MUCL1: variants seen among roughly 807,000 people sequenced by gnomAD.
MUCL1 encodes the protein mucin like 1.
MUCL1 carries 11 observed loss-of-function variants against 9.2 expected under a neutral mutation model. That is an observed-to-expected ratio of 1.19 (90% CI 0.75 to 1.97). MUCL1 has a LOEUF of 1.97. Ranked by LOEUF, MUCL1 falls within the 30% of genes most tolerant of loss-of-function variation. MUCL1 has a pLI of 0.00. For synonymous variants in MUCL1, 48 were observed against 40.5 expected (o/e 1.19, Z -0.71); for missense variants, 144 against 110.9 (o/e 1.30, Z -1.34).
upstream of MUCL1, among the ~76,000 whole-genome samples, chr12:54,851,234 C>T (rs1249246731): frequency 1.3e-5 from 2 of 152,108 alleles, no homozygotes; most frequent in Non-Finnish European, 2.9e-5. Context: ...AGTCCTTGCC[C>T]ATGCCTATGT....
Position 54,849,330 on chromosome 12 carries a change from A to G in MUCL1, c.44-5786A>G, listed in dbSNP as rs1012784569. 1.4e-4 allele frequency among the ~76,000 whole-genome samples: 22 copies of G among 152,290 alleles called. No individual in the cohort carries two copies. In the Middle Eastern group the frequency reaches 0.014, roughly 95 times the overall value. Reference sequence around the variant, plus strand: ...AAGGAGTAGGAATAAATAACTACATATAAGTTCATATATGCATAAAATTTT... The same window carrying G: ...AAGGAGTAGGAATAAATAACTACATGTAAGTTCATATATGCATAAAATTTT... On this transcript the variant is annotated intron_variant, in intron 1 of 3. Coordinates refer to the MUCL1 transcript ENST00000546809.
In MUCL1 at chr12:54,841,506, C is replaced by T. The variant is rs557512852; in HGVS notation, c.43+2059C>T. On this transcript the variant is annotated intron_variant, in intron 1 of 3. Coordinates refer to the MUCL1 transcript ENST00000546809. ...TCCTCCACATCCTCACCAACCCTGC[C>T]GTACTTTGTCTTTTCAATAATAGCC... is the stretch of plus-strand genomic sequence containing the variant. Among the ~76,000 whole-genome samples, 9 of 152,200 alleles carry T rather than the reference C, an allele frequency of 5.9e-5. No homozygotes were observed. In the South Asian group the frequency reaches 6.2e-4, roughly 11 times the overall value.
intron 1 of MUCL1, among the ~76,000 whole-genome samples, chr12:54,842,769 T>G (rs963326814): frequency 6.6e-6 from 1 of 152,204 alleles, no homozygotes; most frequent in Admixed American, 6.5e-5. Context: ...CATAATTTCT[T>G]TCTATTCATC....
At chr12:54,854,718 G>A in intron 1 of MUCL1, 78 bp downstream of exon 1, 4 of 1,354,802 alleles carry the variant, frequency 3.0e-6, no homozygotes, top group Non-Finnish European at 4.2e-6. Flanking sequence ...GTGGGCTTAT[G>A]GTTGCTTAGA....
upstream of MUCL1, among the ~76,000 whole-genome samples, chr12:54,853,275 T>C (rs949366560): frequency 3.9e-5 from 6 of 152,182 alleles, no homozygotes; most frequent in South Asian, 2.1e-4. Context: ...TTCCAAATGT[T>C]CATCACCCCT....
At chr12:54,839,640 C>T (rs1302797153) in intron 1 of MUCL1, among the ~76,000 whole-genome samples, 1 of 152,176 alleles carries the variant, frequency 6.6e-6, no homozygotes, top group African/African-American at 2.4e-5. Context: ...CTATTTAGAT[C>T]AGACAGGTAC....
intron 3 of MUCL1, 96 bp from the exon 4 acceptor site, chr12:54,858,097 C>T: frequency 1.4e-6 from 2 of 1,424,972 alleles, no homozygotes; most frequent in Admixed American, 1.7e-5. Flanking sequence ...GTTTAGTTGA[C>T]ATTTGACACT....
chr12:54,840,812 G>A (rs563996333), intron 1 of MUCL1, among the ~76,000 whole-genome samples: 1 of 152,230 alleles, frequency 6.6e-6, no homozygotes, highest in South Asian at 2.1e-4. Flanking sequence ...GTAGCAGGTG[G>A]CAGTAAACCC....
At chr12:54,854,433 C>A, upstream of MUCL1, 2 of 598,276 alleles carry the variant, frequency 3.3e-6, no homozygotes, top group South Asian at 2.2e-5. Context: ...CGTTTCCTGG[C>A]ATTACCTAAC....
intron 1 of MUCL1, among the ~76,000 whole-genome samples, chr12:54,843,692 G>T (rs1420996343): frequency 6.6e-6 from 1 of 152,098 alleles, no homozygotes; most frequent in Non-Finnish European, 1.5e-5. Flanking sequence ...AGCTTAGAAA[G>T]GGCCCACAAG....
At chr12:54,851,317 A>G (rs1357276720), upstream of MUCL1, among the ~76,000 whole-genome samples, 1 of 152,312 alleles carries the variant, frequency 6.6e-6, no homozygotes, top group African/African-American at 2.4e-5. Flanking sequence ...TCTTTAAATC[A>G]TCTTAAATTA....
At position 54,854,545 on chromosome 12, in the gene MUCL1, C is replaced by A. The variant is rs774319404; in HGVS notation, c.-38C>A. ...CCTTGCCTTCTCTTAGGCTTTGAAGCATTTTTGTCTGTGCTCCCTGATCTT... is the reference window on the plus strand; with the variant it reads ...CCTTGCCTTCTCTTAGGCTTTGAAGAATTTTTGTCTGTGCTCCCTGATCTT... On this transcript the variant is annotated 5_prime_UTR_variant, in exon 1 of 4. Transcript: ENST00000308796. 3 of 1,578,100 alleles carry A rather than the reference C, an allele frequency of 1.9e-6. No homozygotes were observed. Among genetic ancestry groups the A allele is most frequent in the East Asian group, 2.2e-5 (1 of 44,534 alleles).
At chr12:54,838,317 T>C (rs1959196721), upstream of MUCL1, among the ~76,000 whole-genome samples, 1 of 152,212 alleles carries the variant, frequency 6.6e-6, no homozygotes, top group Non-Finnish European at 1.5e-5. Flanking sequence ...TGATATGTTT[T>C]CCTTTATGGG....
chr12:54,838,844 T>G (rs1248788614), upstream of MUCL1, among the ~76,000 whole-genome samples: 1 of 152,092 alleles, frequency 6.6e-6, no homozygotes, highest in East Asian at 1.9e-4. Context: ...TTTTTAAATT[T>G]CTTTATGTTG....
At chr12:54,831,346 G>A (rs1281214972) in intron 1 of MUCL1, among the ~76,000 whole-genome samples, 1 of 152,108 alleles carries the variant, frequency 6.6e-6, no homozygotes, top group Non-Finnish European at 1.5e-5. Context: ...TGTCTTTCAA[G>A]TTCATGTGAC....
chr12:54,839,581 C>T (rs1329591830), intron 1 of MUCL1: 13 of 684,486 alleles, frequency 1.9e-5, no homozygotes, highest in South Asian at 4.6e-5. Context: ...CCTGTCAAGT[C>T]GCAGGAAAAT....
intron 1 of MUCL1, among the ~76,000 whole-genome samples, chr12:54,843,256 ATGT>A (rs1358260757): frequency 6.6e-6 from 1 of 152,126 alleles, no homozygotes; most frequent in Non-Finnish European, 1.5e-5. Context: ...CTTTGGTATG[ATGT>A]TTGCTGTTAA....
intron 1 of MUCL1, among the ~76,000 whole-genome samples, chr12:54,842,635 TAACTGA>T (rs1959218227): frequency 6.6e-6 from 1 of 152,194 alleles, no homozygotes; most frequent in African/African-American, 2.4e-5. Flanking sequence ...TCTTCCTGTC[TAACTGA>T]AACTTTGTAT....
upstream of MUCL1, among the ~76,000 whole-genome samples, chr12:54,852,012 C>T (rs1351202126): frequency 6.6e-6 from 1 of 152,086 alleles, no homozygotes; most frequent in Non-Finnish European, 1.5e-5. Context: ...AAAGAGGATA[C>T]AAACAAATGG....
Sources: gnomAD v4.1 joint callset for allele counts (sites outside exome capture counted in the v4.1 genomes callset) on GRCh38, gnomAD v4.1.1 for gene constraint, MANE v1.5 for transcripts, NCBI Gene and HGNC (gene_info 2026-07-23, HGNC 2026-07-21) for gene names.